The following ZMAT1 variants were observed in gnomAD, a reference collection of about 807,000 sequenced individuals.
The protein encoded by ZMAT1 is zinc finger matrin-type protein 1.
Under a neutral mutation model 18.5 loss-of-function variants are expected in ZMAT1, and 11 were observed. The ratio of observed to expected loss-of-function variants is 0.59; its 90% CI spans 0.37 to 0.98. The LOEUF (loss-of-function observed/expected upper bound fraction) is 0.98. Ranked by LOEUF, ZMAT1 falls within the 50% of genes least tolerant of loss-of-function variation. The pLI, the probability that ZMAT1 is intolerant of heterozygous loss-of-function variation, is 0.01. For missense variants in ZMAT1, 525 were observed against 496.2 expected, an observed-to-expected ratio of 1.06 and a Z score of -0.55; for synonymous variants, 211 against 176.4, an observed-to-expected ratio of 1.20 and a Z score of -1.55.
At chrX:101,891,439 T>C (rs1238725665) in intron 4 of ZMAT1, among the ~76,000 whole-genome samples, 1 of 111,034 alleles carries the variant, frequency 9.0e-6, no homozygotes, top group Non-Finnish European at 1.9e-5. Context: ...AAAACTTTCA[T>C]GTAAAGGTGT....
At chrX:101,914,563 T>A (rs927612851) in intron 1 of ZMAT1, among the ~76,000 whole-genome samples, 23 of 111,328 alleles carry the variant, frequency 2.1e-4, no homozygotes, top group African/African-American at 7.5e-4. Flanking sequence ...GTGTCTACTA[T>A]GAGCAACTAT....
In ZMAT1 at chrX:101,883,714, G is replaced by C. The variant is rs1265419692; in HGVS notation, c.1884C>G (p.Asp628Glu). The change falls in exon 6 of 6, where the codon GAC becomes GAG. Residue 628 changes from aspartate to glutamate, a missense_variant. By Grantham distance (45) the Asp-to-Glu change is conservative. Transcript: ENST00000651725. ...RKKSYEDTDL[D>E]KDKSIRQRKR... ...TCCTTTGTCTGATGCTCTTGTCTTT[G>C]TCTAAATCTGTATCTTCATAACTCT... 1 of 1,205,645 alleles carries C rather than the reference G, an allele frequency of 8.3e-7. No individual in the cohort carries two copies. Among genetic ancestry groups the C allele is most frequent in the Admixed American group, 2.2e-5 (1 of 44,965 alleles).
At position 101,884,807 on chromosome X, in the gene ZMAT1, A is replaced by G. The variant is rs890291236; in HGVS notation, c.791T>C (p.Ile264Thr). Residue 264 changes from isoleucine (I) to threonine (T), a missense_variant, in exon 6 of 6, where the codon ATC becomes ACC. Transcript: ENST00000651725. ...SEHQIKESIV[I>T]NLVKNSRKTQ... The stretch of plus-strand genomic sequence containing the variant: ...CTTCCTTGAATTCTTCACTAGATTG[A>G]TAACAATGGATTCTCTGTAAAGAAG... 8.8e-7 allele frequency: 1 copy of G among 1,138,353 alleles called. No homozygotes were observed. Among genetic ancestry groups the G allele is most frequent in the East Asian group, 3.0e-5 (1 of 33,431 alleles). 93.8% of individuals were successfully genotyped at this position (1,138,353 alleles called of 1,213,427 possible).
Position 101,883,155 on chromosome X carries a change from A to G in ZMAT1, c.*355T>C, listed in dbSNP as rs148101846. The G allele has an allele frequency of 5.4e-3, 692 of 127,225 alleles. 7 individuals are homozygous for G. The highest frequency in any genetic ancestry group is 0.021 in the African/African-American group (648 of 30,534). 10.5% of individuals were successfully genotyped at this position (127,225 alleles called of 1,213,427 possible). On this transcript the variant is annotated 3_prime_UTR_variant, in exon 6 of 6. Transcript: ENST00000651725. ...TCATCTGATCCTCTTGCTTTTGTCTAAAGTCCATTTTCTTAGCTGATTTCC... is the reference window on the plus strand; with the variant it reads ...TCATCTGATCCTCTTGCTTTTGTCTGAAGTCCATTTTCTTAGCTGATTTCC...
intron 1 of ZMAT1, among the ~76,000 whole-genome samples, chrX:101,921,070 T>A (rs1929693336): frequency 9.0e-6 from 1 of 111,564 alleles, no homozygotes; most frequent in Admixed American, 9.5e-5. Context: ...TTGCACTACT[T>A]CAAATCTACT....
chrX:101,904,411 G>T, intron 1 of ZMAT1, 81 bp from the exon 2 acceptor site: 1 of 703,112 alleles, frequency 1.4e-6, no homozygotes, highest in Non-Finnish European at 2.1e-6. Flanking sequence ...AACTATATAT[G>T]ATTTCATATG....
rs1419395736 is a variant in ZMAT1, at chrX:101,884,609, G to A, written c.989C>T (p.Pro330Leu). 1 of 1,210,788 alleles carries A rather than the reference G, an allele frequency of 8.3e-7. No individual in the cohort carries two copies. Among genetic ancestry groups the A allele is most frequent in the Non-Finnish European group, 1.1e-6 (1 of 894,914 alleles). ...PRHRMFEQRL[P>L]FETFRTYAAP... ...TGCGTATGTCCGGAAAGTCTCAAAT[G>A]GGAGTCTTTGTTCAAACATTCTATG... Residue 330 changes from proline to leucine, a missense_variant, in exon 6 of 6, where the codon CCA (proline) becomes CTA (leucine). Physicochemically the swap from Pro to Leu is moderately conservative, Grantham distance 98. Transcript: ENST00000651725.
chrX:101,888,803 A>G (rs1038282138), intron 4 of ZMAT1: 23 of 111,962 alleles, frequency 2.1e-4, no homozygotes, highest in African/African-American at 6.8e-4. Context: ...TCTTCTTCCA[A>G]CGTGGCCCAT....
intron 4 of ZMAT1, among the ~76,000 whole-genome samples, chrX:101,890,761 G>A (rs1927325240): frequency 9.0e-6 from 1 of 111,235 alleles, no homozygotes; most frequent in Admixed American, 9.6e-5. Context: ...AAGAGATAAT[G>A]TCTTAGCTAA....
intron 1 of ZMAT1, among the ~76,000 whole-genome samples, chrX:101,920,962 T>C (rs1603284766): frequency 9.0e-6 from 1 of 110,926 alleles, no homozygotes; most frequent in Non-Finnish European, 1.9e-5. Context: ...TATAAAAGTC[T>C]TGCCATCTAG....
chrX:101,929,294 C>T (rs1930264221), intron 1 of ZMAT1, among the ~76,000 whole-genome samples: 1 of 107,839 alleles, frequency 9.3e-6, no homozygotes, highest in African/African-American at 3.4e-5. Flanking sequence ...ATCTCTTTAA[C>T]TAGGACTTAA....
intron 4 of ZMAT1, among the ~76,000 whole-genome samples, chrX:101,893,430 C>T (rs1927568777): frequency 8.9e-6 from 1 of 111,746 alleles, no homozygotes; most frequent in Admixed American, 9.5e-5. Context: ...TTGCCTAAAT[C>T]AACATTCTTC....
At chrX:101,894,482 T>C in intron 4 of ZMAT1, 1 of 752,955 alleles carries the variant, frequency 1.3e-6, no homozygotes. Context: ...AATGACTAGG[T>C]GGATTTGAAA....
At chrX:101,905,637 C>T (rs922918485) in intron 1 of ZMAT1, among the ~76,000 whole-genome samples, 6 of 111,154 alleles carry the variant, frequency 5.4e-5, no homozygotes, top group African/African-American at 9.8e-5. Flanking sequence ...TAAAATAAAC[C>T]GAATTTAAAA....
At chrX:101,917,738 A>G (rs762878832) in intron 1 of ZMAT1, among the ~76,000 whole-genome samples, 139 of 112,827 alleles carry the variant, frequency 1.2e-3, no homozygotes, top group African/African-American at 4.2e-3. Context: ...CTGCACTGCT[A>G]TATTTGTTGC....
intron 1 of ZMAT1, among the ~76,000 whole-genome samples, chrX:101,911,036 A>G (rs1286550501): frequency 9.0e-6 from 1 of 111,629 alleles, no homozygotes; most frequent in Non-Finnish European, 1.9e-5. Flanking sequence ...ACAGCAAGAG[A>G]AAAGAAAAAA....
chrX:101,890,945 G>T (rs1204320783), intron 4 of ZMAT1, among the ~76,000 whole-genome samples: 2 of 111,546 alleles, frequency 1.8e-5, no homozygotes, highest in Non-Finnish European at 3.8e-5. Flanking sequence ...TCAGATCAAA[G>T]AAAGACTTAT....
At chrX:101,919,201 C>G (rs1929558341) in intron 1 of ZMAT1, among the ~76,000 whole-genome samples, 1 of 111,403 alleles carries the variant, frequency 9.0e-6, no homozygotes, top group African/African-American at 3.3e-5. Context: ...TATCATATAA[C>G]TTTATTGTTA....
intron 2 of ZMAT1, 121 bp from the exon 3 acceptor site, chrX:101,898,341 A>G (rs761664140): frequency 1.9e-6 from 1 of 536,100 alleles, no homozygotes; most frequent in Non-Finnish European, 2.9e-6. Flanking sequence ...CTTGGTACAG[A>G]CTCACATGAT....
Sources: gnomAD v4.1 joint callset for allele counts (sites outside exome capture counted in the v4.1 genomes callset) on GRCh38, gnomAD v4.1.1 for gene constraint, MANE v1.5 for transcripts, NCBI Gene and HGNC (gene_info 2026-07-23, HGNC 2026-07-21) for gene names.